Variants in KIRREL3 observed in about 807,000 individuals in gnomAD.
The protein encoded by KIRREL3 is kirre like nephrin family adhesion molecule 3.
In KIRREL3, 36 loss-of-function variants were observed where a neutral mutation model predicts 89.7. The ratio of observed to expected loss-of-function variants is 0.40; its 90% CI spans 0.31 to 0.53. The LOEUF (loss-of-function observed/expected upper bound fraction) is 0.53, where lower values mean the gene tolerates loss of function less well. Ranked by LOEUF, KIRREL3 falls within the 20% of genes least tolerant of loss-of-function variation. KIRREL3 has a pLI of 0.49. For synonymous variants in KIRREL3, 445 were observed against 441.4 expected, an observed-to-expected ratio of 1.01 and a Z score of -0.10; for missense variants, 864 against 1,056.6, an observed-to-expected ratio of 0.82 and a Z score of 2.53.
rs572690685 is a variant in KIRREL3, at chr11:126,546,788, T to C, written c.133+16047A>G. On this transcript the variant is annotated intron_variant, in intron 2 of 16. Transcript: ENST00000525144. ...CCTTGCATCCTGTGGTGCTTTATACTTTTTTTCAAAGCATCACGCAATCGT... is the reference window on the plus strand; with the variant it reads ...CCTTGCATCCTGTGGTGCTTTATACCTTTTTTCAAAGCATCACGCAATCGT... 5.6e-3 allele frequency among the ~76,000 whole-genome samples: 855 copies of C among 152,292 alleles called. 7 individuals carry two copies. The highest frequency in any genetic ancestry group is 0.019 in the African/African-American group (777 of 41,560).
At chr11:126,857,138 T>C (rs1278409864) in intron 1 of KIRREL3, among the ~76,000 whole-genome samples, 1 of 152,160 alleles carries the variant, frequency 6.6e-6, no homozygotes, top group Non-Finnish European at 1.5e-5. Flanking sequence ...CTCCATACAC[T>C]GAAGGACATG....
Position 126,477,185 on chromosome 11 carries a change from A to G in KIRREL3, c.434-3719T>C, listed in dbSNP as rs1343281537. ...CCTGCACCCAGCTGGCTCCTGGGGC[A>G]TTGATTATGAAAGAAACACATCATC... On this transcript the variant is annotated intron_variant, in intron 4 of 16. Coordinates refer to ENST00000525144, the MANE Select transcript of KIRREL3 (RefSeq NM_032531.4). This position sits in a 1 kb window ranked among gnomAD's most constrained non-coding sequence, Gnocchi z 4.8. Among the ~76,000 whole-genome samples the G allele has an allele frequency of 6.6e-6, 1 of 152,180 alleles. No individual in the cohort carries two copies. The highest frequency in any genetic ancestry group is 1.5e-5 in the Non-Finnish European group (1 of 68,018).
chr11:126,470,033 C>T (rs1478593917), intron 5 of KIRREL3, among the ~76,000 whole-genome samples: 3 of 152,254 alleles, frequency 2.0e-5, no homozygotes, highest in Admixed American at 6.5e-5. Context: ...GAGCATGGAT[C>T]GGGTCCCCCG....
At chr11:126,625,352 G>A (rs546608614) in intron 1 of KIRREL3, among the ~76,000 whole-genome samples, 1 of 152,272 alleles carries the variant, frequency 6.6e-6, no homozygotes. Flanking sequence ...CCTGAAACAA[G>A]CGACATTTTC....
chr11:126,862,276 A>G (rs1448194171), intron 1 of KIRREL3, among the ~76,000 whole-genome samples: 2 of 152,202 alleles, frequency 1.3e-5, no homozygotes, highest in Non-Finnish European at 2.9e-5. Context: ...ATCCACCCAA[A>G]TGGATTCTCA....
In KIRREL3 at chr11:126,528,541, A is replaced by T. The variant is rs867521750; in HGVS notation, c.134-1854T>A. 6.6e-6 allele frequency among the ~76,000 whole-genome samples: 1 copy of T among 152,140 alleles called. No homozygotes were observed. Among genetic ancestry groups the T allele is most frequent in the African/African-American group, 2.4e-5 (1 of 41,418 alleles). On this transcript the variant is annotated intron_variant, in intron 2 of 16. Coordinates refer to ENST00000525144, the MANE Select transcript of KIRREL3 (RefSeq NM_032531.4). The surrounding 1 kb of genome is among the most constrained non-coding windows in gnomAD (Gnocchi z 4.6). Reference sequence around the variant, plus strand: ...CTCCGAGGAGTCTCATTAAAAATCAAATTGGCCTTGAATTGTGGGAGTAAC... The same window carrying T: ...CTCCGAGGAGTCTCATTAAAAATCATATTGGCCTTGAATTGTGGGAGTAAC...
At chr11:126,524,757 C>A (rs1958697923) in intron 3 of KIRREL3, among the ~76,000 whole-genome samples, 1 of 152,138 alleles carries the variant, frequency 6.6e-6, no homozygotes, top group Non-Finnish European at 1.5e-5. Context: ...CAACCCTGGG[C>A]CTCAGTTTCC....
chr11:126,789,822 C>G (rs1950584973), intron 1 of KIRREL3, among the ~76,000 whole-genome samples: 1 of 152,194 alleles, frequency 6.6e-6, no homozygotes, highest in Non-Finnish European at 1.5e-5. Flanking sequence ...TTTTCCACTC[C>G]CTAAATATGG....
At chr11:126,842,656 T>C (rs1944003854) in intron 1 of KIRREL3, among the ~76,000 whole-genome samples, 1 of 152,188 alleles carries the variant, frequency 6.6e-6, no homozygotes, top group Admixed American at 6.5e-5. Flanking sequence ...CACGTGTTGG[T>C]TTATAAAATG....
At chr11:126,880,825 T>C (rs1945469207) in intron 1 of KIRREL3, among the ~76,000 whole-genome samples, 1 of 152,186 alleles carries the variant, frequency 6.6e-6, no homozygotes, top group Non-Finnish European at 1.5e-5. Context: ...TTTTAAAGAG[T>C]AAATGTAAAC....
At chr11:126,512,150 C>T (rs923382104) in intron 4 of KIRREL3, among the ~76,000 whole-genome samples, 1 of 152,228 alleles carries the variant, frequency 6.6e-6, no homozygotes, top group Non-Finnish European at 1.5e-5. Context: ...TTCCATTACC[C>T]CCCTCTTTCC....
At chr11:126,818,064 G>A (rs1393805779) in intron 1 of KIRREL3, among the ~76,000 whole-genome samples, 11 of 152,194 alleles carry the variant, frequency 7.2e-5, no homozygotes, top group South Asian at 2.1e-4. Flanking sequence ...AGGATGCCTC[G>A]ACTTAGCAGA....
intron 4 of KIRREL3, among the ~76,000 whole-genome samples, chr11:126,478,718 TG>T (rs1957144387): frequency 1.3e-5 from 2 of 152,102 alleles, no homozygotes; most frequent in South Asian, 4.1e-4. Context: ...TACATGTGTA[TG>T]GGTGTGTGTA....
At chr11:126,958,033 T>C (rs1948974141) in intron 1 of KIRREL3, among the ~76,000 whole-genome samples, 1 of 152,230 alleles carries the variant, frequency 6.6e-6, no homozygotes, top group South Asian at 2.1e-4. Flanking sequence ...TTACAGATTC[T>C]GATGAGGTCA....
rs2135265423 is a variant in KIRREL3 at position 126,987,272 on chromosome 11, A to C, written c.55+13183T>G. 6.6e-6 allele frequency among the ~76,000 whole-genome samples: 1 copy of C among 152,384 alleles called. No homozygotes were observed. The highest frequency in any genetic ancestry group is 1.5e-5 in the Non-Finnish European group (1 of 68,036). ...GCAATTGTGAGTGAGCAAATCTAGCAGAGTCTATAGTACGCATAAAGTCAA... is the reference window on the plus strand; with the variant it reads ...GCAATTGTGAGTGAGCAAATCTAGCCGAGTCTATAGTACGCATAAAGTCAA... On this transcript the variant is annotated intron_variant, in intron 1 of 16. Transcript: ENST00000525144. The surrounding 1 kb of genome is among the most constrained non-coding windows in gnomAD (Gnocchi z 4.6).
chr11:126,747,111 C>A lies in KIRREL3; in HGVS notation c.56-184199G>T, dbSNP rs530310490. On this transcript the variant is annotated intron_variant, in intron 1 of 16. Coordinates refer to ENST00000525144, the MANE Select transcript of KIRREL3 (RefSeq NM_032531.4). This position sits in a 1 kb window ranked among gnomAD's most constrained non-coding sequence, Gnocchi z 4.7. ...AGACCTTTCCTAAAATGACTGGAATCGCCTCAGCTGTGTAGCTAACTTGTT... is the reference window on the plus strand; with the variant it reads ...AGACCTTTCCTAAAATGACTGGAATAGCCTCAGCTGTGTAGCTAACTTGTT... Among the ~76,000 whole-genome samples, 14 of 152,340 alleles carry A rather than the reference C, an allele frequency of 9.2e-5. No individual in the cohort carries two copies. The South Asian group carries it at 2.9e-3, about 32-fold the overall frequency.
intron 1 of KIRREL3, among the ~76,000 whole-genome samples, chr11:126,828,964 C>T (rs1463034029): frequency 1.3e-5 from 2 of 152,102 alleles, no homozygotes; most frequent in Non-Finnish European, 2.9e-5. Context: ...AGTATTGAGG[C>T]CACTGCTGTG....
At chr11:126,661,246 C>G (rs1289088259) in intron 1 of KIRREL3, among the ~76,000 whole-genome samples, 1 of 147,578 alleles carries the variant, frequency 6.8e-6, no homozygotes, top group Non-Finnish European at 1.5e-5. Context: ...AGCAGAGGGT[C>G]ATGCCTCATG....
At position 126,843,913 on chromosome 11, in the gene KIRREL3, A is replaced by T. The variant is rs1402524952; in HGVS notation, c.55+156542T>A. ...TGGGCTCAAAAGGGGAGGCATGAAT[A>T]ATCCCCTTGTTTAGCATATTGTCAA... On this transcript the variant is annotated intron_variant, in intron 1 of 16. Transcript: ENST00000525144. This position sits in a 1 kb window ranked among gnomAD's most constrained non-coding sequence, Gnocchi z 4.6. Among the ~76,000 whole-genome samples, 2 of 152,208 alleles carry T rather than the reference A, an allele frequency of 1.3e-5. No homozygotes were observed. The highest frequency in any genetic ancestry group is 4.8e-5 in the African/African-American group (2 of 41,450).
Sources: allele counts gnomAD v4.1 joint callset (sites outside exome capture counted in the v4.1 genomes callset), GRCh38; gene constraint gnomAD v4.1.1; non-coding constraint Gnocchi (gnomAD v3.1); transcripts MANE v1.5; gene names NCBI Gene and HGNC (gene_info 2026-07-23, HGNC 2026-07-21).